Variants in KCNN2 observed in about 807,000 individuals in gnomAD.
KCNN2 encodes the protein potassium calcium-activated channel subfamily N member 2, also known as small conductance calcium-activated potassium channel protein 2.
In KCNN2, 24 loss-of-function variants were observed where a neutral mutation model predicts 55.5. The observed-to-expected ratio is 0.43, with a 90% CI of 0.31 to 0.61. The LOEUF is 0.61. Among genes scored for constraint, KCNN2 ranks in the 20% least tolerant of loss-of-function variants. KCNN2 has a pLI of 0.08. For synonymous variants in KCNN2, 431 were observed against 336.1 expected (o/e 1.28, Z -3.09); for missense variants, 754 against 853.6 (o/e 0.88, Z 1.45).
chr5:114,383,854 G>A, intron 2 of KCNN2, among the ~76,000 whole-genome samples: 1 of 152,204 alleles, frequency 6.6e-6, no homozygotes, highest in Non-Finnish European at 1.5e-5. Context: ...TATAAGAGAA[G>A]TCAGGATGTG....
chr5:114,223,075 A>T (rs1166747234), intron 2 of KCNN2, among the ~76,000 whole-genome samples: 1 of 52,132 alleles, frequency 1.9e-5, no homozygotes, highest in African/African-American at 5.6e-5. Context: ...TGTAAACCTA[A>T]TAAATATTTT....
At chr5:114,159,624 A>G (rs895256172) in intron 1 of KCNN2, among the ~76,000 whole-genome samples, 13 of 152,112 alleles carry the variant, frequency 8.5e-5, no homozygotes, top group Admixed American at 3.9e-4. Context: ...CTGTGAGTCC[A>G]TCTGGTCCTG....
intron 1 of KCNN2, among the ~76,000 whole-genome samples, chr5:114,096,899 A>C (rs915686464): frequency 2.6e-5 from 4 of 152,084 alleles, no homozygotes; most frequent in African/African-American, 9.7e-5. Context: ...ACCATATCCC[A>C]CTTAATCTTT....
chr5:114,426,841 A>T (rs1193472972), intron 3 of KCNN2, among the ~76,000 whole-genome samples: 2 of 152,152 alleles, frequency 1.3e-5, no homozygotes, highest in Non-Finnish European at 2.9e-5. Context: ...TTGCGATTGT[A>T]GTTTTATCTT....
intron 1 of KCNN2, among the ~76,000 whole-genome samples, chr5:114,206,545 C>A (rs1371070008): frequency 6.6e-6 from 1 of 151,892 alleles, no homozygotes; most frequent in African/African-American, 2.4e-5. Flanking sequence ...TTTTTTTCCC[C>A]TGTGAATTTC....
chr5:114,437,071 G>GTGCA (rs1580833839), intron 3 of KCNN2, among the ~76,000 whole-genome samples: 2 of 151,978 alleles, frequency 1.3e-5, no homozygotes, highest in South Asian at 2.1e-4. Flanking sequence ...GTGTGTATGC[G>GTGCA]TGCATGCATG....
chr5:114,251,693 G>A (rs902018254), intron 2 of KCNN2, among the ~76,000 whole-genome samples: 1 of 151,942 alleles, frequency 6.6e-6, no homozygotes, highest in Middle Eastern at 3.2e-3. Flanking sequence ...GTTATATTTT[G>A]CATCTTCTCA....
chr5:114,092,089 C>G (rs1751156252), intron 1 of KCNN2, among the ~76,000 whole-genome samples: 1 of 152,190 alleles, frequency 6.6e-6, no homozygotes, highest in Admixed American at 6.5e-5. Context: ...CAAGGCAAGT[C>G]TCTTCTACCT....
At chr5:114,326,635 G>A (rs1029343087) in intron 2 of KCNN2, among the ~76,000 whole-genome samples, 8 of 152,128 alleles carry the variant, frequency 5.3e-5, no homozygotes, top group East Asian at 1.9e-4. Context: ...TTATGGACCC[G>A]AATTTCAGTT....
intron 1 of KCNN2, among the ~76,000 whole-genome samples, chr5:114,194,071 T>G (rs938019594): frequency 6.6e-6 from 1 of 152,118 alleles, no homozygotes; most frequent in Non-Finnish European, 1.5e-5. Flanking sequence ...ACTTCATCTG[T>G]TGATAGTCAC....
At chr5:114,341,054 A>G (rs914771837) in intron 2 of KCNN2, among the ~76,000 whole-genome samples, 1 of 152,198 alleles carries the variant, frequency 6.6e-6, no homozygotes, top group Non-Finnish European at 1.5e-5. Flanking sequence ...CATCGTCTAT[A>G]TGTATATACC....
At chr5:114,341,217 A>G (rs1457441462) in intron 2 of KCNN2, among the ~76,000 whole-genome samples, 2 of 152,166 alleles carry the variant, frequency 1.3e-5, no homozygotes, top group Non-Finnish European at 2.9e-5. Context: ...CTAAATGTAA[A>G]TCTCCAGCAT....
intron 1 of KCNN2, among the ~76,000 whole-genome samples, chr5:114,206,763 C>CTTTT (rs34590942): frequency 6.8e-6 from 1 of 147,484 alleles, no homozygotes; most frequent in Non-Finnish European, 1.5e-5. Context: ...CCTGGTACTT[C>CTTTT]TTTTTTTTTT....
chr5:114,216,197 T>A (rs1753997081), intron 1 of KCNN2, among the ~76,000 whole-genome samples: 1 of 152,156 alleles, frequency 6.6e-6, no homozygotes, highest in Non-Finnish European at 1.5e-5. Flanking sequence ...CAGTTTGGAA[T>A]TTCAACAACA....
chr5:114,130,831 C>G (rs1470414518), intron 1 of KCNN2, among the ~76,000 whole-genome samples: 2 of 152,144 alleles, frequency 1.3e-5, no homozygotes, highest in Non-Finnish European at 2.9e-5. Flanking sequence ...CACTGTATGT[C>G]TATTGATGCA....
chr5:114,108,799 TG>T (rs149816194), intron 1 of KCNN2, among the ~76,000 whole-genome samples: 2,854 of 152,196 alleles, frequency 0.019, 106 homozygotes, highest in African/African-American at 0.065. Flanking sequence ...GTTTTCAGTT[TG>T]GGGCTTTTGT....
upstream of KCNN2, among the ~76,000 whole-genome samples, chr5:114,360,341 A>G (rs1172871836): frequency 6.6e-6 from 1 of 152,222 alleles, no homozygotes; most frequent in Non-Finnish European, 1.5e-5. Context: ...AAGCAACTTT[A>G]GGGCAGCTGC....
chr5:114,216,209 G>A (rs115791099), intron 1 of KCNN2, among the ~76,000 whole-genome samples: 4,553 of 152,112 alleles, frequency 0.03, 233 homozygotes, highest in African/African-American at 0.1. Context: ...TCAACAACAT[G>A]AGAAACAATG....
In KCNN2 at chr5:114,373,640, T is replaced by TTATATATATATATA. The variant is rs61356539; in HGVS notation, c.1218+9644_1218+9657dup. Among the ~76,000 whole-genome samples, 303 of 56,710 alleles carry TTATATATATATATA rather than the reference T, an allele frequency of 5.3e-3. 62 individuals carry two copies. The highest frequency in any genetic ancestry group is 0.02 in the East Asian group (15 of 736). The allele number at this position is 56,710 out of a possible 152,430, so 37.2% of individuals were successfully genotyped here. A position where few individuals can be genotyped will look rare whatever the true frequency, so the allele number is the denominator to read the frequency against. ...CTCTCATGGTGTTGTTATGAAGATT[T>TTATATATATATATA]TATATATATATATATATAAAATTAC... On this transcript the variant is annotated intron_variant, in intron 2 of 7. Coordinates refer to ENST00000673685, the MANE Select transcript of KCNN2 (RefSeq NM_021614.4).
Sources: allele counts gnomAD v4.1 joint callset (sites outside exome capture counted in the v4.1 genomes callset), GRCh38; gene constraint gnomAD v4.1.1; transcripts MANE v1.5; gene names NCBI Gene and HGNC (gene_info 2026-07-23, HGNC 2026-07-21).